Variants in SIGLEC9 observed in about 807,000 individuals in gnomAD.
SIGLEC9 encodes sialic acid binding Ig like lectin 9.
Under a neutral mutation model 38.3 loss-of-function variants are expected in SIGLEC9, and 26 were observed. The observed-to-expected ratio is 0.68, with a 90% CI of 0.50 to 0.94. The LOEUF (loss-of-function observed/expected upper bound fraction) is 0.94. Among genes scored for constraint, SIGLEC9 ranks in the 40% least tolerant of loss-of-function variants. SIGLEC9 has a pLI of 0.00. For synonymous variants in SIGLEC9, 236 were observed against 248.0 expected (o/e 0.95, Z 0.45); for missense variants, 556 against 585.7 (o/e 0.95, Z 0.52).
rs538123763 is a variant in SIGLEC9, at chr19:51,129,197, C to A, written c.1203+687C>A. On this transcript the variant is annotated intron_variant, in intron 6 of 6. Transcript: ENST00000250360. The stretch of plus-strand genomic sequence containing the variant: ...TTTTTGAGACAGAGTCTTGCTCTGT[C>A]GCCCAGGCTGGAGTGCAGTGGTGCG... Among the ~76,000 whole-genome samples, 3 of 135,940 alleles carry A rather than the reference C, an allele frequency of 2.2e-5. No individual in the cohort carries two copies. The South Asian group carries it at 6.3e-4, about 29-fold the overall frequency. 89.2% of individuals were successfully genotyped at this position (135,940 alleles called of 152,430 possible).
intron 4 of SIGLEC9, 68 bp from the exon 5 acceptor site, chr19:51,127,881 G>C: frequency 1.1e-6 from 1 of 894,652 alleles, no homozygotes; most frequent in Non-Finnish European, 1.9e-6. Context: ...GGACCCTACA[G>C]GAAGTGGGAG....
upstream of SIGLEC9, among the ~76,000 whole-genome samples, chr19:51,123,306 T>A (rs2091955010): frequency 6.6e-6 from 1 of 152,264 alleles, no homozygotes; most frequent in African/African-American, 2.4e-5. Flanking sequence ...AGAATTGAAG[T>A]GGCCGATGCT....
At chr19:51,126,057 G>A (rs760380676) in intron 2 of SIGLEC9, 24 bp from the exon 3 acceptor site, 26 of 1,612,978 alleles carry the variant, frequency 1.6e-5, no homozygotes, top group Non-Finnish European at 1.8e-5. Flanking sequence ...CAGTGATGCG[G>A]GTCTCCATGT....
chr19:51,119,822 G>A, the SIGLEC9 span, among the ~76,000 whole-genome samples: 3 of 152,176 alleles, frequency 2.0e-5, no homozygotes, highest in Non-Finnish European at 4.4e-5. Flanking sequence ...GGCAGTGCCT[G>A]GTGCTCATGG....
rs187804979 is a variant in SIGLEC9, at chr19:51,130,154, G to A, written c.*75G>A. On this transcript the variant is annotated 3_prime_UTR_variant, in exon 7 of 7. Transcript: ENST00000250360. ...AGGGAGAAGTCAGAGGCTGATTCTT[G>A]TAGAATTAACAGCCCTCAACGTGAT... is the stretch of plus-strand genomic sequence containing the variant. 2.6e-6 allele frequency: 4 copies of A among 1,515,652 alleles called. No individual in the cohort carries two copies. Among genetic ancestry groups the A allele is most frequent in the African/African-American group, 2.8e-5 (2 of 71,884 alleles). The allele number at this position is 1,515,652 out of a possible 1,614,324, so 93.9% of individuals were successfully genotyped here. A position where few individuals can be genotyped will look rare whatever the true frequency, so the allele number is the denominator to read the frequency against.
At chr19:51,133,136 T>C (rs2092025997), downstream of SIGLEC9, among the ~76,000 whole-genome samples, 3 of 152,052 alleles carry the variant, frequency 2.0e-5, no homozygotes, top group South Asian at 6.2e-4. Context: ...AAGAAACACA[T>C]TTAGAGAAGG....
upstream of SIGLEC9, among the ~76,000 whole-genome samples, chr19:51,123,200 C>T (rs948804566): frequency 6.6e-6 from 1 of 152,208 alleles, no homozygotes; most frequent in Admixed American, 6.5e-5. Flanking sequence ...CCTGGAGCTA[C>T]TACTCCAGGT....
At chr19:51,121,789 G>A (rs2091950760), upstream of SIGLEC9, among the ~76,000 whole-genome samples, 1 of 151,960 alleles carries the variant, frequency 6.6e-6, no homozygotes, top group African/African-American at 2.4e-5. Context: ...TTTTCACCAT[G>A]TTGGTCAGGG....
chr19:51,124,642 C>CT (rs1171981800), upstream of SIGLEC9, among the ~76,000 whole-genome samples: 2 of 152,242 alleles, frequency 1.3e-5, no homozygotes, highest in Non-Finnish European at 2.9e-5. Flanking sequence ...TCATTTTCAC[C>CT]CTGCAGAAAA....
chr19:51,123,953 G>A (rs2091958728), upstream of SIGLEC9, among the ~76,000 whole-genome samples: 1 of 152,134 alleles, frequency 6.6e-6, no homozygotes, highest in African/African-American at 2.4e-5. Flanking sequence ...GCATGCCCCG[G>A]GGCTGGTGTC....
downstream of SIGLEC9, among the ~76,000 whole-genome samples, chr19:51,135,236 C>A (rs957151027): frequency 6.6e-6 from 1 of 152,172 alleles, no homozygotes; most frequent in Admixed American, 6.5e-5. Flanking sequence ...CTGTGTTTGG[C>A]ACTCACTTAA....
chr19:51,121,120 C>T (rs760656580), upstream of SIGLEC9, among the ~76,000 whole-genome samples: 8 of 152,060 alleles, frequency 5.3e-5, no homozygotes, highest in Non-Finnish European at 8.8e-5. Context: ...GTTGGGATTA[C>T]AGGCGTGCAC....
Position 51,128,578 on chromosome 19 carries a change from C to G in SIGLEC9, c.1203+68C>G, listed in dbSNP as rs2091994417. The G allele has an allele frequency of 1.5e-5, 21 of 1,433,282 alleles. No individual in the cohort carries two copies. In the South Asian group the frequency reaches 2.2e-4, roughly 15 times the overall value. The allele number at this position is 1,433,282 out of a possible 1,614,324, so 88.8% of individuals were successfully genotyped here. On this transcript the variant is annotated intron_variant, in intron 6 of 6. Coordinates refer to ENST00000250360, the MANE Select transcript of SIGLEC9 (RefSeq NM_014441.3). ...ACCTCCCACAGGATGACCCCCAGGA[C>G]TAATCAGCTGGGCGTAGCCAAAGTT...
At chr19:51,128,370 C>T in intron 5 of SIGLEC9, 44 bp from the exon 6 acceptor site, 1 of 1,602,190 alleles carries the variant, frequency 6.2e-7, no homozygotes, top group Non-Finnish European at 8.5e-7. Flanking sequence ...CCCACCGCAC[C>T]CCAATCTGAC....
rs1381836327 is a variant in SIGLEC9, at chr19:51,128,316, C to A, written c.1107-98C>A. The stretch of plus-strand genomic sequence containing the variant: ...ACCACTGCTTTCCCACCTCAGTCAC[C>A]CCTGCAGTCCCTTAATAGGAAACAC... On this transcript the variant is annotated intron_variant, in intron 5 of 6. Coordinates refer to ENST00000250360, the MANE Select transcript of SIGLEC9 (RefSeq NM_014441.3). The A allele has an allele frequency of 1.0e-5, 14 of 1,386,910 alleles. No homozygotes were observed. The East Asian group carries it at 2.8e-4, about 27-fold the overall frequency. The allele number at this position is 1,386,910 out of a possible 1,614,324, so 85.9% of individuals were successfully genotyped here.
chr19:51,134,292 G>A (rs1819982198), downstream of SIGLEC9, among the ~76,000 whole-genome samples: 1 of 151,006 alleles, frequency 6.6e-6, no homozygotes, highest in Non-Finnish European at 1.5e-5. Flanking sequence ...TTACAGGCAC[G>A]GGCCACCATG....
Position 51,125,860 on chromosome 19 carries a change from C to G in SIGLEC9, c.685C>G (p.His229Asp), listed in dbSNP as rs776863887. Residue 229 changes from histidine to aspartate, a missense_variant, in exon 2 of 7, where the codon CAT (histidine) becomes GAT (aspartate). Physicochemically the swap from His to Asp is moderately conservative, Grantham distance 81. Coordinates refer to ENST00000250360, the MANE Select transcript of SIGLEC9 (RefSeq NM_014441.3). Reference protein sequence around the residue: ...GASVTTNKTVHLNVSYPPQNL... With the variant: ...GASVTTNKTVDLNVSYPPQNL... The stretch of plus-strand genomic sequence containing the variant: ...CAGCGTGACCACGAACAAGACCGTC[C>G]ATCTCAACGTGTCCTGTGAGTGCTG... 1.9e-6 allele frequency: 3 copies of G among 1,614,152 alleles called. No individual in the cohort carries two copies. The highest frequency in any genetic ancestry group is 3.3e-5 in the Admixed American group (2 of 60,024).
rs747615852 is a variant in SIGLEC9, at chr19:51,125,129, AC to A, written c.158del (p.Pro53LeufsTer4). On this transcript the variant is annotated frameshift_variant, in exon 1 of 7. Coordinates refer to ENST00000250360, the MANE Select transcript of SIGLEC9 (RefSeq NM_014441.3). LOFTEE classifies it high-confidence loss of function. ...SFSYPSHGWI[Y>X]PGPVVHGYWF... ...TCCTACCCCTCGCATGGCTGGATTT[AC>A]CCTGGCCCAGTAGTTCATGGCTACT... The A allele has an allele frequency of 5.6e-5, 91 of 1,613,724 alleles. No individual in the cohort carries two copies. The highest frequency in any genetic ancestry group is 7.1e-5 in the Non-Finnish European group (84 of 1,179,960).
Position 51,130,022 on chromosome 19 carries a change from C to T in SIGLEC9, c.1335C>T (p.Asp445=), listed in dbSNP as rs1568613922. Reference sequence around the variant, plus strand: ...GCTTCCAGATGGTGAAGCCTTGGGACTCGCGGGGACAGGAGGCCACTGACA... The same window carrying T: ...GCTTCCAGATGGTGAAGCCTTGGGATTCGCGGGGACAGGAGGCCACTGACA... ...SLSFQMVKPW[D]SRGQEATDTE... Residue 445 remains aspartate (D), a synonymous_variant, in exon 7 of 7, where the codon GAC becomes GAT. Transcript: ENST00000250360. 3 of 1,613,946 alleles carry T rather than the reference C, an allele frequency of 1.9e-6. No homozygotes were observed. Among genetic ancestry groups the T allele is most frequent in the Admixed American group, 3.3e-5 (2 of 59,988 alleles).
Sources: gnomAD v4.1 joint callset for allele counts (sites outside exome capture counted in the v4.1 genomes callset) on GRCh38, gnomAD v4.1.1 for gene constraint, MANE v1.5 for transcripts, NCBI Gene and HGNC (gene_info 2026-07-23, HGNC 2026-07-21) for gene names.